CATSPERG: variants seen among roughly 807,000 people sequenced by gnomAD.
The protein encoded by CATSPERG is catsper channel auxiliary subunit gamma, also known as cation channel sperm-associated auxiliary subunit gamma.
In CATSPERG, 115 loss-of-function variants were observed where a neutral mutation model predicts 145.0. The ratio of observed to expected loss-of-function variants is 0.79; its 90% confidence interval spans 0.68 to 0.93. The LOEUF (loss-of-function observed/expected upper bound fraction) is 0.93. Ranked by LOEUF, CATSPERG falls within the 40% of genes least tolerant of loss-of-function variation. The probability of loss-of-function intolerance (pLI) is 0.00; values close to 1 mark genes in which losing one functional copy is unlikely to be tolerated. For synonymous variants in CATSPERG, 588 were observed against 589.0 expected, an observed-to-expected ratio of 1.00 and a Z score of 0.02; for missense variants, 1,296 against 1,490.1, an observed-to-expected ratio of 0.87 and a Z score of 2.14.
chr19:38,343,556 C>T (rs1371675235), intron 3 of CATSPERG, 24 bp from the exon 4 acceptor site: 3 of 1,532,878 alleles, frequency 2.0e-6, no homozygotes, highest in South Asian at 2.5e-5. Flanking sequence ...TAAGGACACA[C>T]TTGTGGGGCC....
intron 26 of CATSPERG, among the ~76,000 whole-genome samples, chr19:38,368,365 T>C (rs1362445250): frequency 1.3e-5 from 2 of 152,156 alleles, no homozygotes; most frequent in African/African-American, 2.4e-5. Flanking sequence ...GGAGGACTTT[T>C]CTGTTTCAAG....
At position 38,341,326 on chromosome 19, in the gene CATSPERG, C is replaced by T. The variant is rs533549793; in HGVS notation, c.325-2254C>T. Among the ~76,000 whole-genome samples the T allele has an allele frequency of 4.6e-5, 7 of 152,268 alleles. No homozygotes were observed. In the East Asian group the frequency reaches 1.4e-3, roughly 29 times the overall value. On this transcript the variant is annotated intron_variant, in intron 3 of 28. Coordinates refer to ENST00000409235, the MANE Select transcript of CATSPERG (RefSeq NM_021185.5). ...GACAAGGAGGAGGCTGCTACATTGC[C>T]CAGGCAGGAGATGACGGGGACAGGA...
chr19:38,356,530 C>A lies in CATSPERG; in HGVS notation c.1182C>A (p.Cys394Ter), dbSNP rs373128819. The change falls in exon 10 of 29, where the codon TGC becomes TGA. Residue 394 changes from cysteine (C) to a stop codon, truncating the protein, a stop_gained. Coordinates refer to ENST00000409235, the MANE Select transcript of CATSPERG (RefSeq NM_021185.5). LOFTEE classifies it high-confidence loss of function. ...TGCTGCCCAGGCAGTGGTCTGTGTG[C>A]GAGCAGATAGGAGGTACTCATTACC... ...FEMLPRQWSV[C>*]EQIGVTTCSI... 1 of 1,613,526 alleles carries A rather than the reference C, an allele frequency of 6.2e-7. No individual in the cohort carries two copies. Among genetic ancestry groups the A allele is most frequent in the Non-Finnish European group, 8.5e-7 (1 of 1,179,912 alleles).
intron 6 of CATSPERG, among the ~76,000 whole-genome samples, chr19:38,345,038 C>G (rs902843499): frequency 2.0e-5 from 3 of 149,348 alleles, no homozygotes; most frequent in Non-Finnish European, 3.0e-5. Flanking sequence ...TCCCAAGTAG[C>G]TGGGACCACG....
Position 38,354,693 on chromosome 19 carries a change from C to T in CATSPERG, c.998-17C>T. 6.2e-7 allele frequency: 1 copy of T among 1,613,290 alleles called. No homozygotes were observed. On this transcript the variant is annotated splice_polypyrimidine_tract_variant and intron_variant, in intron 8 of 28. Coordinates refer to ENST00000409235, the MANE Select transcript of CATSPERG (RefSeq NM_021185.5). ...ATCCAACCACCTGGGTCTGAGGCCC[C>T]ATACTGACTTCACTAGGCAGTTGGA...
intron 28 of CATSPERG, 78 bp downstream of exon 28, chr19:38,370,336 C>T: frequency 1.4e-6 from 2 of 1,454,874 alleles, no homozygotes; most frequent in Admixed American, 3.5e-5. Flanking sequence ...TATACCTTCG[C>T]TCATTCATTC....
intron 16 of CATSPERG, 149 bp from the exon 17 acceptor site, chr19:38,361,499 G>C (rs535092398): frequency 7.6e-6 from 5 of 653,752 alleles, no homozygotes; most frequent in African/African-American, 7.3e-5. Context: ...GTGTGCAGAG[G>C]CCTCTGGGCA....
In CATSPERG at chr19:38,337,096, C is replaced by T; in HGVS notation, c.-14-125C>T. On this transcript the variant is annotated intron_variant, in intron 1 of 28. Coordinates refer to ENST00000409235, the MANE Select transcript of CATSPERG (RefSeq NM_021185.5). ...CCAAGAGCAAGTGCAGGGGCGGGGCCAGGAGCAAGAGCCGGGGCGTGGCCA... is the reference window on the plus strand; with the variant it reads ...CCAAGAGCAAGTGCAGGGGCGGGGCTAGGAGCAAGAGCCGGGGCGTGGCCA... 5 of 1,209,618 alleles carry T rather than the reference C, an allele frequency of 4.1e-6. 1 individual carries two copies. Among genetic ancestry groups the T allele is most frequent in the Non-Finnish European group, 5.7e-6 (5 of 874,022 alleles). The allele number at this position is 1,209,618 out of a possible 1,614,324, so 74.9% of individuals were successfully genotyped here. A position where few individuals can be genotyped will look rare whatever the true frequency, so the allele number is the denominator to read the frequency against.
At chr19:38,343,056 G>C (rs1364185834) in intron 3 of CATSPERG, among the ~76,000 whole-genome samples, 1 of 152,180 alleles carries the variant, frequency 6.6e-6, no homozygotes, top group Non-Finnish European at 1.5e-5. Flanking sequence ...TCAAGAGTGA[G>C]ACTGGGGGCC....
At chr19:38,343,082 C>T (rs1469773784) in intron 3 of CATSPERG, among the ~76,000 whole-genome samples, 1 of 152,058 alleles carries the variant, frequency 6.6e-6, no homozygotes, top group Non-Finnish European at 1.5e-5. Context: ...AGATGGCTCA[C>T]GCCTTTAATG....
At chr19:38,366,989 A>G (rs1282013163) in intron 22 of CATSPERG, 167 bp from the exon 23 acceptor site, 2 of 630,058 alleles carry the variant, frequency 3.2e-6, no homozygotes, top group Non-Finnish European at 5.4e-6. Flanking sequence ...CCACTGCACC[A>G]GGCCGTGTTA....
At position 38,354,017 on chromosome 19, in the gene CATSPERG, A is replaced by AG. The variant is rs1418543542; in HGVS notation, c.998-693_998-692insG. Among the ~76,000 whole-genome samples, 175 of 147,936 alleles carry AG rather than the reference A, an allele frequency of 1.2e-3. 5 individuals are homozygous for AG. In the East Asian group the frequency reaches 0.024, roughly 20 times the overall value. Reference sequence around the variant, plus strand: ...AAAAAAAAAAAAAAAAAAAAAAAAAAAGATACCAAAGCTCTCTTATTTCTT... The same window carrying AG: ...AAAAAAAAAAAAAAAAAAAAAAAAAAGAGATACCAAAGCTCTCTTATTTCTT... On this transcript the variant is annotated intron_variant, in intron 8 of 28. Coordinates refer to ENST00000409235, the MANE Select transcript of CATSPERG (RefSeq NM_021185.5).
Position 38,362,766 on chromosome 19 carries a change from C to T in CATSPERG, c.2409C>T (p.Asp803=), listed in dbSNP as rs1970373178. The stretch of plus-strand genomic sequence containing the variant: ...TGGACGTGGGCGTGGTGCTGGCCGA[C>T]CCCGGCTGCATCGAGGCCTCGGTGA... The part of the protein sequence containing the change: ...SQVDVGVVLA[D]PGCIEASVKQ... The change falls in exon 20 of 29, where the codon GAC becomes GAT. Residue 803 remains aspartate (D), a synonymous_variant. Coordinates refer to ENST00000409235, the MANE Select transcript of CATSPERG (RefSeq NM_021185.5). 1.9e-6 allele frequency: 3 copies of T among 1,614,144 alleles called. No homozygotes were observed. Among genetic ancestry groups the T allele is most frequent in the Non-Finnish European group, 2.5e-6 (3 of 1,180,030 alleles).
At chr19:38,355,708 GTAA>G (rs1222786528) in intron 9 of CATSPERG, among the ~76,000 whole-genome samples, 1 of 152,072 alleles carries the variant, frequency 6.6e-6, no homozygotes, top group South Asian at 2.1e-4. Context: ...AATAATGATA[GTAA>G]TAATAATAAT....
chr19:38,343,970 C>T, intron 4 of CATSPERG, 23 bp from the exon 5 acceptor site: 1 of 1,547,994 alleles, frequency 6.5e-7, no homozygotes, highest in South Asian at 1.2e-5. Context: ...CCAGCAGTTT[C>T]AGTGCCCAGG....
At chr19:38,362,160 G>A (rs778286089) in intron 17 of CATSPERG, 50 bp from the exon 18 acceptor site, 28 of 1,546,868 alleles carry the variant, frequency 1.8e-5, no homozygotes, top group Non-Finnish European at 2.4e-5. Context: ...TTGCCTGGAG[G>A]CTCTCGCCCC....
chr19:38,364,213 C>T (rs1315075303), intron 20 of CATSPERG, among the ~76,000 whole-genome samples: 2 of 152,016 alleles, frequency 1.3e-5, no homozygotes, highest in African/African-American at 4.8e-5. Context: ...GACAGGGTGG[C>T]TGCCGGGCGG....
chr19:38,339,338 G>C (rs1969898549), intron 3 of CATSPERG, among the ~76,000 whole-genome samples: 2 of 152,204 alleles, frequency 1.3e-5, no homozygotes, highest in Admixed American at 1.3e-4. Flanking sequence ...TTATGCCCTT[G>C]GCTTAGATTA....
At chr19:38,346,298 G>A (rs117303271) in intron 6 of CATSPERG, among the ~76,000 whole-genome samples, 152 bp from the exon 7 acceptor site, 5 of 152,260 alleles carry the variant, frequency 3.3e-5, no homozygotes, top group Admixed American at 6.5e-5. Context: ...GAGAGGGACC[G>A]AGGGGGAGAA....
Sources: allele counts gnomAD v4.1 joint callset (sites outside exome capture counted in the v4.1 genomes callset), GRCh38; gene constraint gnomAD v4.1.1; transcripts MANE v1.5; gene names NCBI Gene and HGNC (gene_info 2026-07-23, HGNC 2026-07-21).